Variants in NKAIN3 observed in about 807,000 individuals in gnomAD.
The protein encoded by NKAIN3 is sodium/potassium-transporting ATPase subunit beta-1-interacting protein 3.
Under a neutral mutation model 30.2 loss-of-function variants are expected in NKAIN3, and 25 were observed. The ratio of observed to expected loss-of-function variants is 0.83; its 90% CI spans 0.60 to 1.16. NKAIN3 has a LOEUF of 1.16. Ranked by LOEUF, NKAIN3 falls within the 50% of genes most tolerant of loss-of-function variation. The pLI is 0.00. For missense variants in NKAIN3, 225 were observed against 254.1 expected (o/e 0.89, Z 0.78); for synonymous variants, 91 against 89.6 (o/e 1.02, Z -0.09).
chr8:62,484,206 C>T (rs1240789309), intron 1 of NKAIN3, among the ~76,000 whole-genome samples: 3 of 152,170 alleles, frequency 2.0e-5, no homozygotes, highest in Non-Finnish European at 2.9e-5. Context: ...TGTCACCTCT[C>T]ATCTCCCTCG....
intron 1 of NKAIN3, among the ~76,000 whole-genome samples, chr8:62,373,381 A>G (rs1816967736): frequency 6.6e-6 from 1 of 152,210 alleles, no homozygotes; most frequent in African/African-American, 2.4e-5. Flanking sequence ...GTATGATTTC[A>G]TAATTGTTAA....
Position 62,589,728 on chromosome 8 carries a change from T to A in NKAIN3, c.207T>A (p.Thr69=). 6.3e-7 allele frequency: 1 copy of A among 1,593,502 alleles called. No individual in the cohort carries two copies. The highest frequency in any genetic ancestry group is 2.2e-5 in the East Asian group (1 of 44,542). Residue 69 remains threonine, a synonymous_variant, in exon 3 of 7, where the codon ACT becomes ACA. Transcript: ENST00000623646. The stretch of plus-strand genomic sequence containing the variant: ...TTTCTATCTAGTATACAGTGTGGAC[T>A]GCCCTCTGGGTCACCTGGAATGTGT... ...PRYIMVYTVW[T]ALWVTWNVFI... is the part of the protein sequence containing the mutation.
At chr8:62,732,149 C>A (rs964177272) in intron 3 of NKAIN3, among the ~76,000 whole-genome samples, 1 of 151,952 alleles carries the variant, frequency 6.6e-6, no homozygotes, top group Non-Finnish European at 1.5e-5. Context: ...GCACTTATGA[C>A]CCAAAAGTCG....
intron 4 of NKAIN3, among the ~76,000 whole-genome samples, chr8:62,774,295 A>G (rs1817113810): frequency 6.6e-6 from 1 of 152,130 alleles, no homozygotes; most frequent in African/African-American, 2.4e-5. Context: ...TCAGTTCTAA[A>G]AGTTTTCTTG....
At chr8:62,916,630 C>G (rs975086612) in intron 4 of NKAIN3, among the ~76,000 whole-genome samples, 2 of 152,044 alleles carry the variant, frequency 1.3e-5, no homozygotes, top group African/African-American at 4.8e-5. Context: ...ATATCTAGTC[C>G]AGGTTACTGC....
At chr8:62,255,387 C>A (rs1812233609) in intron 1 of NKAIN3, among the ~76,000 whole-genome samples, 1 of 152,122 alleles carries the variant, frequency 6.6e-6, no homozygotes, top group African/African-American at 2.4e-5. Flanking sequence ...GGATTGCTGG[C>A]AAACCCATGG....
intron 3 of NKAIN3, among the ~76,000 whole-genome samples, chr8:62,616,131 T>G (rs570741985): frequency 1.3e-5 from 2 of 152,184 alleles, no homozygotes; most frequent in African/African-American, 4.8e-5. Flanking sequence ...AAAATTCTAA[T>G]TTTGTGGGTT....
At chr8:62,383,408 A>G in intron 1 of NKAIN3, 1 of 425,566 alleles carries the variant, frequency 2.3e-6, no homozygotes, top group East Asian at 7.1e-5. Context: ...TCCTTCCTGC[A>G]TTAGATCCTG....
At chr8:62,541,806 T>C (rs1808854785) in intron 1 of NKAIN3, among the ~76,000 whole-genome samples, 1 of 152,218 alleles carries the variant, frequency 6.6e-6, no homozygotes, top group African/African-American at 2.4e-5. Flanking sequence ...TCTGAAAATA[T>C]AAATGACACA....
At chr8:62,561,798 A>G (rs1174444317) in intron 1 of NKAIN3, among the ~76,000 whole-genome samples, 3 of 152,166 alleles carry the variant, frequency 2.0e-5, no homozygotes, top group African/African-American at 4.8e-5. Flanking sequence ...TTGTAAAAAC[A>G]TGAGTCTTTA....
At chr8:62,423,827 T>C (rs570736799) in intron 1 of NKAIN3, among the ~76,000 whole-genome samples, 1 of 152,152 alleles carries the variant, frequency 6.6e-6, no homozygotes, top group East Asian at 1.9e-4. Flanking sequence ...ACATATCTTA[T>C]ACTAAAAACA....
Position 62,671,017 on chromosome 8 carries a change from G to A in NKAIN3, c.274-75915G>A, listed in dbSNP as rs141455362. 4.2e-3 allele frequency among the ~76,000 whole-genome samples: 632 copies of A among 152,048 alleles called. 7 individuals carry two copies. The highest frequency in any genetic ancestry group is 0.014 in the African/African-American group (593 of 41,474). ...GTGAAAAAATAGTGGCATGACAGAT[G>A]TTTTTATGTAAAAAAGAAGCTATAT... On this transcript the variant is annotated intron_variant, in intron 3 of 6. Coordinates refer to ENST00000623646, the MANE Select transcript of NKAIN3 (RefSeq NM_001304533.3).
chr8:62,906,455 T>A (rs906039185), intron 4 of NKAIN3, among the ~76,000 whole-genome samples: 1 of 152,210 alleles, frequency 6.6e-6, no homozygotes, highest in African/African-American at 2.4e-5. Flanking sequence ...CAGAGAGTCA[T>A]TTTGAACTTG....
rs963721099 is a variant in NKAIN3, at chr8:62,971,407, C to A, written c.*6000C>A. On this transcript the variant is annotated 3_prime_UTR_variant, in exon 7 of 7. Transcript: ENST00000623646. ...ATTTCAGCAATTTGGAAGGCCAAGG[C>A]GTGCAGATCACTTGAGCTTACGAGT... is the stretch of plus-strand genomic sequence containing the variant. Among the ~76,000 whole-genome samples the A allele has an allele frequency of 6.6e-6, 1 of 152,088 alleles. No homozygotes were observed. Among genetic ancestry groups the A allele is most frequent in the African/African-American group, 2.4e-5 (1 of 41,416 alleles).
intron 3 of NKAIN3, among the ~76,000 whole-genome samples, chr8:62,746,326 C>A (rs1369245316): frequency 1.3e-5 from 2 of 152,194 alleles, no homozygotes; most frequent in African/African-American, 4.8e-5. Flanking sequence ...CTCAGATAGT[C>A]CATGATCATC....
intron 4 of NKAIN3, among the ~76,000 whole-genome samples, chr8:62,801,620 C>T (rs1216288943): frequency 1.3e-5 from 2 of 152,204 alleles, no homozygotes; most frequent in Non-Finnish European, 2.9e-5. Context: ...CCCATCTGTA[C>T]ATCACCATCA....
rs869256384 is a variant in NKAIN3, at chr8:62,560,531, C to CTTTTTTTTTTTTTTTTTTTT, written c.55-19002_55-18983dup. Among the ~76,000 whole-genome samples the CTTTTTTTTTTTTTTTTTTTT allele has an allele frequency of 4.4e-4, 20 of 45,362 alleles. 1 individual carries two copies. The highest frequency in any genetic ancestry group is 8.4e-4 in the Admixed American group (2 of 2,372). 29.8% of individuals were successfully genotyped at this position (45,362 alleles called of 152,430 possible). On this transcript the variant is annotated intron_variant, in intron 1 of 6. Coordinates refer to ENST00000623646, the MANE Select transcript of NKAIN3 (RefSeq NM_001304533.3). ...CAGTTCACTGAATCTTTTTTCTTTT[C>CTTTTTTTTTTTTTTTTTTTT]TTTTTTTTTTTTTTTTTTTTTTTTT...
chr8:62,903,424 C>T (rs1256295558), intron 4 of NKAIN3, among the ~76,000 whole-genome samples: 1 of 152,046 alleles, frequency 6.6e-6, no homozygotes, highest in African/African-American at 2.4e-5. Context: ...ATAAGAGGAC[C>T]GTCTCTCCTA....
rs184408433 is a variant in NKAIN3 at position 62,837,744 on chromosome 8, G to A, written c.472-80709G>A. Among the ~76,000 whole-genome samples, 15 of 152,006 alleles carry A rather than the reference G, an allele frequency of 9.9e-5. No homozygotes were observed. In the East Asian group the frequency reaches 2.7e-3, roughly 28 times the overall value. ...ATGCAATATGCTTTGGGGTTACTGA[G>A]GAACAAAAGATTCTGAATTAATTCA... On this transcript the variant is annotated intron_variant, in intron 4 of 6. Coordinates refer to ENST00000623646, the MANE Select transcript of NKAIN3 (RefSeq NM_001304533.3).
Sources: gnomAD v4.1 joint callset for allele counts (sites outside exome capture counted in the v4.1 genomes callset) on GRCh38, gnomAD v4.1.1 for gene constraint, MANE v1.5 for transcripts, NCBI Gene and HGNC (gene_info 2026-07-23, HGNC 2026-07-21) for gene names.